PDE11A: variants seen among roughly 807,000 people sequenced by gnomAD.
PDE11A encodes dual 3',5'-cyclic-AMP and -GMP phosphodiesterase 11A.
Under a neutral mutation model 100.5 loss-of-function variants are expected in PDE11A, and 100 were observed. The ratio of observed to expected loss-of-function variants is 1.00; its 90% CI spans 0.85 to 1.18. PDE11A has a LOEUF of 1.18. Ranked by LOEUF, PDE11A falls within the 50% of genes most tolerant of loss-of-function variation. PDE11A has a pLI of 0.00. For synonymous variants in PDE11A, 381 were observed against 420.8 expected (o/e 0.91, Z 1.16); for missense variants, 1,141 against 1,152.6 (o/e 0.99, Z 0.15).
At chr2:178,041,916 A>C (rs1055845101) in intron 1 of PDE11A, among the ~76,000 whole-genome samples, 42 of 152,232 alleles carry the variant, frequency 2.8e-4, no homozygotes, top group Non-Finnish European at 1.5e-5. Flanking sequence ...ATTTCTGATA[A>C]GGCCCATATT....
At chr2:177,919,468 T>C (rs569506040) in intron 2 of PDE11A, among the ~76,000 whole-genome samples, 1 of 152,280 alleles carries the variant, frequency 6.6e-6, no homozygotes, top group South Asian at 2.1e-4. Context: ...AAATGGAACA[T>C]GACTAAGAAT....
chr2:177,805,043 G>C (rs2082849091), intron 9 of PDE11A, among the ~76,000 whole-genome samples: 1 of 151,372 alleles, frequency 6.6e-6, no homozygotes, highest in Non-Finnish European at 1.5e-5. Context: ...ATATATCCAT[G>C]TAAGAAATCT....
At position 177,845,540 on chromosome 2, in the gene PDE11A, T is replaced by G. The variant is rs566411402; in HGVS notation, c.1368-5157A>C. 6.1e-5 allele frequency among the ~76,000 whole-genome samples: 9 copies of G among 147,864 alleles called. No homozygotes were observed. In the South Asian group the frequency reaches 2.0e-3, roughly 32 times the overall value. ...CGGCCGGGCGGAGACGCTCCTCACT[T>G]TCCAGACTGGGCAGCCAGGCAGAGG... On this transcript the variant is annotated intron_variant, in intron 5 of 19. Transcript: ENST00000286063.
At chr2:177,985,262 G>T (rs1041144893) in intron 2 of PDE11A, among the ~76,000 whole-genome samples, 1 of 152,088 alleles carries the variant, frequency 6.6e-6, no homozygotes, top group Admixed American at 6.5e-5. Flanking sequence ...ATGTCTACAT[G>T]TCAAATAGAG....
chr2:178,011,752 G>A (rs1318408603), intron 2 of PDE11A, among the ~76,000 whole-genome samples: 4 of 152,006 alleles, frequency 2.6e-5, no homozygotes, highest in Non-Finnish European at 5.9e-5. Flanking sequence ...TTCTTTCCCC[G>A]GATTCTCTCA....
intron 19 of PDE11A, among the ~76,000 whole-genome samples, chr2:177,662,376 G>A (rs1207328310): frequency 6.6e-6 from 1 of 152,164 alleles, no homozygotes; most frequent in African/African-American, 2.4e-5. Context: ...TTTACCCAAA[G>A]TAAAAGGAAT....
intron 19 of PDE11A, among the ~76,000 whole-genome samples, chr2:177,630,361 G>A (rs923152632): frequency 5.9e-5 from 9 of 152,146 alleles, no homozygotes; most frequent in African/African-American, 1.4e-4. Context: ...TTGTCTCACC[G>A]CTCCTGGGTT....
chr2:177,702,722 A>G (rs1253845830), intron 13 of PDE11A: 1 of 152,104 alleles, frequency 6.6e-6, no homozygotes. Flanking sequence ...TTCTCCCAAT[A>G]TGTGGTCAGC....
rs1385660750 is a variant in PDE11A, at chr2:178,096,345, T to G, written c.162+7957A>C. Among the ~76,000 whole-genome samples, 4 of 149,674 alleles carry G rather than the reference T, an allele frequency of 2.7e-5. No homozygotes were observed. The East Asian group carries it at 5.9e-4, about 22-fold the overall frequency. On this transcript the variant is annotated intron_variant, in intron 2 of 20. Transcript: ENST00000358450. ...AGCCCAGCTAATTTTTTTTTTTTTT[T>G]TGTATTTTTACTAGAGGCAGGGTTT...
intron 5 of PDE11A, among the ~76,000 whole-genome samples, chr2:177,846,432 G>A (rs1477123273): frequency 2.0e-5 from 3 of 152,176 alleles, no homozygotes; most frequent in Non-Finnish European, 4.4e-5. Flanking sequence ...GGTGTTGTGA[G>A]TTTAATCACA....
intron 2 of PDE11A, among the ~76,000 whole-genome samples, chr2:178,094,893 T>C (rs2087469123): frequency 6.6e-6 from 1 of 152,112 alleles, no homozygotes; most frequent in South Asian, 2.1e-4. Flanking sequence ...TCAGATATTG[T>C]GAGAACTCAC....
chr2:178,012,870 C>A (rs1484566603), intron 2 of PDE11A, among the ~76,000 whole-genome samples: 3 of 152,124 alleles, frequency 2.0e-5, no homozygotes, highest in Non-Finnish European at 4.4e-5. Context: ...AGACGCAAAA[C>A]CCACATCCTT....
chr2:177,669,842 A>AG (rs149368340), intron 17 of PDE11A, among the ~76,000 whole-genome samples: 3,752 of 152,354 alleles, frequency 0.025, 139 homozygotes, highest in African/African-American at 0.084. Flanking sequence ...ATGAGGCAAC[A>AG]GGTTGCCAGC....
upstream of PDE11A, among the ~76,000 whole-genome samples, chr2:178,074,261 G>A (rs1020920446): frequency 2.0e-5 from 3 of 152,028 alleles, no homozygotes; most frequent in Admixed American, 2.0e-4. Flanking sequence ...GGGGGGTGTG[G>A]GGGGTAATAA....
chr2:178,083,006 A>C (rs943245858), intron 2 of PDE11A, among the ~76,000 whole-genome samples: 11 of 152,128 alleles, frequency 7.2e-5, no homozygotes, highest in African/African-American at 2.2e-4. Flanking sequence ...AGTCAGTTGT[A>C]GGCCTTAGAA....
At chr2:177,913,302 C>T (rs568705541) in intron 2 of PDE11A, among the ~76,000 whole-genome samples, 8 of 152,038 alleles carry the variant, frequency 5.3e-5, no homozygotes, top group African/African-American at 1.2e-4. Flanking sequence ...TAGAGTAAAG[C>T]GTTGATATTG....
At chr2:177,929,181 G>A (rs1273078933) in intron 2 of PDE11A, among the ~76,000 whole-genome samples, 2 of 152,024 alleles carry the variant, frequency 1.3e-5, no homozygotes. Flanking sequence ...CCTCCATTTC[G>A]GATGGCTCTT....
At chr2:178,028,903 C>G (rs2086511390) in intron 1 of PDE11A, among the ~76,000 whole-genome samples, 1 of 152,192 alleles carries the variant, frequency 6.6e-6, no homozygotes, top group Non-Finnish European at 1.5e-5. Flanking sequence ...GAATTCTTCA[C>G]TTTAGGATCT....
At chr2:177,629,781 A>G (rs142953504) in intron 19 of PDE11A, among the ~76,000 whole-genome samples, 1 of 152,210 alleles carries the variant, frequency 6.6e-6, no homozygotes, top group African/African-American at 2.4e-5. Flanking sequence ...AAAATAAGAC[A>G]TCACCAGCAT....
Sources: allele counts gnomAD v4.1 joint callset (sites outside exome capture counted in the v4.1 genomes callset), GRCh38; gene constraint gnomAD v4.1.1; transcripts MANE v1.5; gene names NCBI Gene and HGNC (gene_info 2026-07-23, HGNC 2026-07-21).